EPB41L3: variants seen among roughly 807,000 people sequenced by gnomAD.
EPB41L3 encodes erythrocyte membrane protein band 4.1 like 3, also known as band 4.1-like protein 3.
In EPB41L3, 57 loss-of-function variants were observed where a neutral mutation model predicts 127.1. That is an observed-to-expected ratio of 0.45 (90% CI 0.36 to 0.56). EPB41L3 has a LOEUF of 0.56. Ranked by LOEUF, EPB41L3 falls within the 20% of genes least tolerant of loss-of-function variation. The pLI is 0.00. For synonymous variants in EPB41L3, 572 were observed against 549.5 expected, an observed-to-expected ratio of 1.04 and a Z score of -0.57; for missense variants, 1,273 against 1,372.2, an observed-to-expected ratio of 0.93 and a Z score of 1.14.
At chr18:5,523,481 A>G (rs1385573011) in intron 1 of EPB41L3, among the ~76,000 whole-genome samples, 1 of 152,270 alleles carries the variant, frequency 6.6e-6, no homozygotes, top group African/African-American at 2.4e-5. Context: ...TTGAAGTTTT[A>G]AAATATACCC....
rs1225973092 is a variant in EPB41L3, at chr18:5,395,163, A to T, written c.3073-16T>A. 1 of 1,611,782 alleles carries T rather than the reference A, an allele frequency of 6.2e-7. No individual in the cohort carries two copies. Among genetic ancestry groups the T allele is most frequent in the South Asian group, 1.1e-5 (1 of 91,054 alleles). ...CTTTCACAGTCTGCAAGACACGTAG[A>T]GAAGCTTTATGAATTTACTCACTGG... On this transcript the variant is annotated splice_polypyrimidine_tract_variant and intron_variant, in intron 20 of 22. Transcript: ENST00000341928.
At chr18:5,435,542 C>T (rs183485502) in intron 6 of EPB41L3, among the ~76,000 whole-genome samples, 1 of 152,316 alleles carries the variant, frequency 6.6e-6, no homozygotes, top group Non-Finnish European at 1.5e-5. Context: ...CTACAGGTTT[C>T]TAGCCTAGGA....
rs182370195 is a variant in EPB41L3, at chr18:5,412,807, C to T, written c.2068-2188G>A. ...TCCCATAAAATGGGGAAAATAACAG[C>T]CCTAACTGTATTGGGTAATGGATAG... On this transcript the variant is annotated intron_variant, in intron 13 of 22. Coordinates refer to ENST00000341928, the MANE Select transcript of EPB41L3 (RefSeq NM_012307.5). Among the ~76,000 whole-genome samples, 3 of 151,212 alleles carry T rather than the reference C, an allele frequency of 2.0e-5. No individual in the cohort carries two copies. In the East Asian group the frequency reaches 5.8e-4, roughly 29 times the overall value.
chr18:5,578,104 G>T (rs1599079752), intron 3 of EPB41L3, among the ~76,000 whole-genome samples: 1 of 151,176 alleles, frequency 6.6e-6, no homozygotes, highest in East Asian at 1.9e-4. Flanking sequence ...CTCCAGGGTT[G>T]GGGGGGTGGC....
intron 3 of EPB41L3, among the ~76,000 whole-genome samples, chr18:5,549,981 C>G (rs2093941696): frequency 6.6e-6 from 1 of 152,202 alleles, no homozygotes; most frequent in African/African-American, 2.4e-5. Context: ...AGCAGCAGTT[C>G]ATTAGCAGTA....
At chr18:5,615,153 A>G (rs2094777902) in intron 1 of EPB41L3, among the ~76,000 whole-genome samples, 1 of 152,216 alleles carries the variant, frequency 6.6e-6, no homozygotes, top group Non-Finnish European at 1.5e-5. Flanking sequence ...TAAAGATATC[A>G]GAGAAAAAAA....
At chr18:5,549,124 T>G (rs906743104), upstream of EPB41L3, among the ~76,000 whole-genome samples, 3 of 152,252 alleles carry the variant, frequency 2.0e-5, no homozygotes, top group Admixed American at 1.3e-4. Flanking sequence ...TAGGAAAATG[T>G]GTGATGGTTA....
At chr18:5,601,313 G>A (rs1216472285) in intron 3 of EPB41L3, among the ~76,000 whole-genome samples, 2 of 152,090 alleles carry the variant, frequency 1.3e-5, no homozygotes, top group Non-Finnish European at 1.5e-5. Context: ...CATTGCTGTA[G>A]GATAAAACCA....
rs561340957 is a variant in EPB41L3 at position 5,559,149 on chromosome 18, G to A, written c.-306+53191C>T. Among the ~76,000 whole-genome samples, 159 of 152,274 alleles carry A rather than the reference G, an allele frequency of 1.0e-3. 1 individual carries two copies. The highest frequency in any genetic ancestry group is 3.6e-3 in the African/African-American group (151 of 41,566). On this transcript the variant is annotated intron_variant, in intron 3 of 21. Coordinates refer to the EPB41L3 transcript ENST00000545076. ...TTGATCTTCAAAATATTTGGCTACA[G>A]TTTTACTTTTATACAGTTGAACAGT... is the stretch of plus-strand genomic sequence containing the variant.
At chr18:5,528,251 C>T (rs1568504543) in intron 1 of EPB41L3, among the ~76,000 whole-genome samples, 5 of 152,148 alleles carry the variant, frequency 3.3e-5, no homozygotes. Context: ...TCACTGCAGC[C>T]TTGACTTCCC....
At chr18:5,472,541 TA>T (rs1194450097) in intron 3 of EPB41L3, among the ~76,000 whole-genome samples, 3 of 152,226 alleles carry the variant, frequency 2.0e-5, no homozygotes, top group Non-Finnish European at 4.4e-5. Flanking sequence ...CTCTGTGATT[TA>T]TGTGTTTGGT....
At chr18:5,426,544 AT>A (rs2078213354) in intron 9 of EPB41L3, among the ~76,000 whole-genome samples, 1 of 152,208 alleles carries the variant, frequency 6.6e-6, no homozygotes, top group South Asian at 2.1e-4. Flanking sequence ...GAAATGTATC[AT>A]TCCAAAATAT....
rs145916365 is a variant in EPB41L3, at chr18:5,583,901, C to T, written c.-306+28439G>A. ...TCGGCTCACCGCAACCTCTGCCTCCCGGGTTCATGCGATTCTCCTGCCTCA... is the reference window on the plus strand; with the variant it reads ...TCGGCTCACCGCAACCTCTGCCTCCTGGGTTCATGCGATTCTCCTGCCTCA... On this transcript the variant is annotated intron_variant, in intron 3 of 21. Transcript: ENST00000545076. Among the ~76,000 whole-genome samples the T allele has an allele frequency of 2.7e-3, 416 of 152,252 alleles. 1 individual carries two copies. Among genetic ancestry groups the T allele is most frequent in the African/African-American group, 9.4e-3 (390 of 41,564 alleles).
chr18:5,578,961 G>A (rs899547558), intron 3 of EPB41L3, among the ~76,000 whole-genome samples: 1 of 152,122 alleles, frequency 6.6e-6, no homozygotes, highest in African/African-American at 2.4e-5. Flanking sequence ...CTTCAACAGT[G>A]CTGAAACAGC....
Position 5,552,501 on chromosome 18 carries a change from AT to A in EPB41L3, c.-306+59838del, listed in dbSNP as rs547996211. ...GTACTTTTTGATGAAACAGATAAAA[AT>A]ATTTGAAAAATTAGAGGAGCCAGTA... On this transcript the variant is annotated intron_variant, in intron 3 of 21. Coordinates refer to the EPB41L3 transcript ENST00000545076. Among the ~76,000 whole-genome samples, 34 of 152,380 alleles carry A rather than the reference AT, an allele frequency of 2.2e-4. No homozygotes were observed. In the South Asian group the frequency reaches 5.6e-3, roughly 25 times the overall value.
At chr18:5,425,084 TC>T (rs2145345656) in intron 9 of EPB41L3, among the ~76,000 whole-genome samples, 1 of 152,330 alleles carries the variant, frequency 6.6e-6, no homozygotes, top group Admixed American at 6.5e-5. Flanking sequence ...GTTTTCACAT[TC>T]TGAAGAAGGT....
At chr18:5,505,888 C>G (rs1408958452) in intron 1 of EPB41L3, among the ~76,000 whole-genome samples, 1 of 149,232 alleles carries the variant, frequency 6.7e-6, no homozygotes, top group Non-Finnish European at 1.5e-5. Context: ...CACCTCCACC[C>G]CTACCCTCCA....
rs140353890 is a variant in EPB41L3, at chr18:5,584,077, C to G, written c.-306+28263G>C. Among the ~76,000 whole-genome samples, 677 of 152,314 alleles carry G rather than the reference C, an allele frequency of 4.4e-3. 7 individuals are homozygous for G. The highest frequency in any genetic ancestry group is 0.015 in the African/African-American group (639 of 41,560). ...CCTGCCTCCCAAAGTGCTAGGATTA[C>G]AGGTGTGAGCCTCTGTGCCTGGCCT... is the stretch of plus-strand genomic sequence containing the variant. On this transcript the variant is annotated intron_variant, in intron 3 of 21. Coordinates refer to the EPB41L3 transcript ENST00000545076.
chr18:5,447,443 GACT>G (rs1382804850), intron 3 of EPB41L3, among the ~76,000 whole-genome samples: 3 of 134,848 alleles, frequency 2.2e-5, no homozygotes, highest in African/African-American at 2.7e-5. Flanking sequence ...GCTTTAGCTA[GACT>G]ACTTTTTTTT....
Sources: gnomAD v4.1 joint callset for allele counts (sites outside exome capture counted in the v4.1 genomes callset) on GRCh38, gnomAD v4.1.1 for gene constraint, MANE v1.5 for transcripts, NCBI Gene and HGNC (gene_info 2026-07-23, HGNC 2026-07-21) for gene names.